PPP2R5C: variants seen among roughly 807,000 people sequenced by gnomAD.
PPP2R5C encodes the protein serine/threonine-protein phosphatase 2A 56 kDa regulatory subunit gamma isoform.
A neutral mutation model predicts 68.9 loss-of-function variants in PPP2R5C; 7 were observed. The observed-to-expected ratio is 0.10, with a 90% CI of 0.06 to 0.19. PPP2R5C has a LOEUF of 0.19. Ranked by LOEUF, PPP2R5C falls within the 10% of genes least tolerant of loss-of-function variation. PPP2R5C has a pLI of 1.00. For synonymous variants in PPP2R5C, 210 were observed against 222.2 expected, an observed-to-expected ratio of 0.95 and a Z score of 0.49; for missense variants, 348 against 641.3, an observed-to-expected ratio of 0.54 and a Z score of 4.94.
At chr14:101,788,623 A>G (rs2038229078) in intron 3 of PPP2R5C, among the ~76,000 whole-genome samples, 1 of 152,226 alleles carries the variant, frequency 6.6e-6, no homozygotes, top group Non-Finnish European at 1.5e-5. Context: ...TTTCCCCAAA[A>G]TGGTAAATTC....
At chr14:101,901,337 T>C (rs2045679959) in intron 8 of PPP2R5C, among the ~76,000 whole-genome samples, 1 of 152,202 alleles carries the variant, frequency 6.6e-6, no homozygotes, top group Non-Finnish European at 1.5e-5. Context: ...GAAAGTGGGT[T>C]ATATAAACTA....
chr14:101,769,676 GTA>G (rs2037050186), intron 2 of PPP2R5C, among the ~76,000 whole-genome samples: 1 of 152,060 alleles, frequency 6.6e-6, no homozygotes, highest in Admixed American at 6.6e-5. Context: ...AAAAAGTAGA[GTA>G]TTTTGGTTTT....
At chr14:101,905,290 G>C (rs1039328206) in intron 9 of PPP2R5C, among the ~76,000 whole-genome samples, 3 of 152,146 alleles carry the variant, frequency 2.0e-5, no homozygotes, top group African/African-American at 7.2e-5. Flanking sequence ...GGAGGCAGAG[G>C]TTGTAGTGAG....
At chr14:101,773,222 G>A (rs2037243593) in intron 2 of PPP2R5C, among the ~76,000 whole-genome samples, 1 of 152,082 alleles carries the variant, frequency 6.6e-6, no homozygotes, top group Non-Finnish European at 1.5e-5. Flanking sequence ...TTTCTGCGGG[G>A]CACTAGTGAC....
At chr14:101,852,429 T>G in intron 1 of PPP2R5C, among the ~76,000 whole-genome samples, 1 of 152,088 alleles carries the variant, frequency 6.6e-6, no homozygotes, top group Non-Finnish European at 1.5e-5. Context: ...TTTTAAAGAA[T>G]AGCACATTCT....
intron 5 of PPP2R5C, among the ~76,000 whole-genome samples, chr14:101,887,161 G>A (rs1483334446): frequency 3.9e-5 from 6 of 152,202 alleles, no homozygotes; most frequent in Non-Finnish European, 5.9e-5. Flanking sequence ...TATCATTACC[G>A]TCAGCTTAAG....
chr14:101,905,692 C>T (rs933550998), intron 9 of PPP2R5C, among the ~76,000 whole-genome samples: 2 of 152,002 alleles, frequency 1.3e-5, no homozygotes, highest in Non-Finnish European at 2.9e-5. Context: ...GGGGGAACCA[C>T]CCTCTAGTGG....
upstream of PPP2R5C, among the ~76,000 whole-genome samples, chr14:101,805,477 G>A (rs1001204492): frequency 2.6e-5 from 4 of 152,144 alleles, no homozygotes; most frequent in African/African-American, 9.7e-5. Flanking sequence ...TCGCTATTAT[G>A]CATCAATTAA....
intron 1 of PPP2R5C, among the ~76,000 whole-genome samples, chr14:101,813,182 C>T (rs1489347601): frequency 1.3e-5 from 2 of 152,204 alleles, no homozygotes; most frequent in African/African-American, 4.8e-5. Flanking sequence ...GAATTTTTAA[C>T]TGTAGTTATT....
At chr14:101,817,550 T>A (rs1432985949) in intron 1 of PPP2R5C, among the ~76,000 whole-genome samples, 1 of 152,186 alleles carries the variant, frequency 6.6e-6, no homozygotes, top group Non-Finnish European at 1.5e-5. Context: ...GCATTTTTAT[T>A]GGTCTTTTGG....
intron 1 of PPP2R5C, among the ~76,000 whole-genome samples, chr14:101,838,448 T>TA (rs2041255870): frequency 6.6e-6 from 1 of 152,236 alleles, no homozygotes; most frequent in South Asian, 2.1e-4. Context: ...AAGAATGATA[T>TA]AAAGAATTTA....
Position 101,906,057 on chromosome 14 carries a change from G to A in PPP2R5C, c.1024-345G>A, listed in dbSNP as rs533736659. The stretch of plus-strand genomic sequence containing the variant: ...CTGAATGCTCAGCAGAACACAGCAC[G>A]CCCTCTTGACCTGACAGATGGGGGA... On this transcript the variant is annotated intron_variant, in intron 9 of 13. Transcript: ENST00000334743. The surrounding 1 kb of genome is among the most constrained non-coding windows in gnomAD (Gnocchi z 4.0). Among the ~76,000 whole-genome samples, 45 of 152,348 alleles carry A rather than the reference G, an allele frequency of 3.0e-4. No individual in the cohort carries two copies. The highest frequency in any genetic ancestry group is 1.1e-3 in the African/African-American group (45 of 41,576).
intron 1 of PPP2R5C, among the ~76,000 whole-genome samples, chr14:101,839,773 A>C (rs984210999): frequency 7.2e-5 from 11 of 152,230 alleles, no homozygotes; most frequent in African/African-American, 2.4e-4. Context: ...GTGAAATTTC[A>C]AACAGTTGAC....
chr14:101,772,764 C>T (rs2037218917), intron 2 of PPP2R5C, among the ~76,000 whole-genome samples: 2 of 152,070 alleles, frequency 1.3e-5, no homozygotes. Flanking sequence ...CCACTGCACT[C>T]CAGCCTGGGT....
upstream of PPP2R5C, chr14:101,760,684 G>A: frequency 1.1e-6 from 1 of 936,496 alleles, no homozygotes; most frequent in Non-Finnish European, 1.3e-6. Flanking sequence ...CGGGCTGTCG[G>A]ATGGGCGGGA....
chr14:101,762,176 C>T (rs1409680200), intron 1 of PPP2R5C, among the ~76,000 whole-genome samples: 4 of 151,474 alleles, frequency 2.6e-5, no homozygotes, highest in African/African-American at 4.8e-5. Context: ...CGTGATGGGC[C>T]GGGGCTGGGC....
intron 2 of PPP2R5C, among the ~76,000 whole-genome samples, chr14:101,769,580 G>A (rs1486777387): frequency 1.3e-5 from 2 of 152,150 alleles, no homozygotes; most frequent in African/African-American, 4.8e-5. Context: ...TTTTTATTCA[G>A]TGTAATTCAT....
intron 12 of PPP2R5C, among the ~76,000 whole-genome samples, chr14:101,912,852 A>C (rs1683838571): frequency 6.6e-6 from 1 of 152,230 alleles, no homozygotes; most frequent in South Asian, 2.1e-4. Context: ...AAAGAAAGGA[A>C]ATTAGATTGG....
intron 1 of PPP2R5C, among the ~76,000 whole-genome samples, chr14:101,823,436 T>C (rs2040205694): frequency 6.6e-6 from 1 of 152,214 alleles, no homozygotes; most frequent in South Asian, 2.1e-4. Context: ...ACAAGAATCC[T>C]AGAAGACCAG....
Sources: gnomAD v4.1 joint callset for allele counts (sites outside exome capture counted in the v4.1 genomes callset) on GRCh38, gnomAD v4.1.1 for gene constraint, Gnocchi (gnomAD v3.1) non-coding constraint, MANE v1.5 for transcripts, NCBI Gene and HGNC (gene_info 2026-07-23, HGNC 2026-07-21) for gene names.